Variants in NPIPA5 observed in about 807,000 individuals in gnomAD.
The protein encoded by NPIPA5 is nuclear pore complex interacting protein family member A5.
A neutral mutation model predicts 21.4 loss-of-function variants in NPIPA5; 6 were observed. The observed-to-expected ratio is 0.28, with a 90% CI of 0.15 to 0.55. The LOEUF (loss-of-function observed/expected upper bound fraction) is 0.55. Ranked by LOEUF, NPIPA5 falls within the 20% of genes least tolerant of loss-of-function variation. NPIPA5 has a pLI of 0.93. For synonymous variants in NPIPA5, 33 were observed against 115.3 expected (o/e 0.29, Z 4.57); for missense variants, 99 against 318.2 (o/e 0.31, Z 5.24).
At chr16:15,368,424 A>T (rs1293210511) in intron 4 of NPIPA5, among the ~76,000 whole-genome samples, 1 of 152,108 alleles carries the variant, frequency 6.6e-6, no homozygotes, top group Non-Finnish European at 1.5e-5. Flanking sequence ...ACATGCTACT[A>T]GGTCTCAGTT....
upstream of NPIPA5, among the ~76,000 whole-genome samples, chr16:15,379,969 ATGTGTGTGTGTGTGTCTG>A (rs1211751899): frequency 6.7e-6 from 1 of 149,064 alleles, no homozygotes; most frequent in Non-Finnish European, 1.5e-5. Flanking sequence ...ATATATATAT[ATGTGTGTGTGTGTGTCTG>A]TGTGTGTGTG....
chr16:15,375,750 A>AC (rs2050275006), intron 1 of NPIPA5, among the ~76,000 whole-genome samples: 2 of 149,536 alleles, frequency 1.3e-5, no homozygotes, highest in Admixed American at 6.7e-5. Context: ...TCAAAAAAAA[A>AC]AAAAAAAAAA....
In NPIPA5 at chr16:15,376,656, C is replaced by T. The variant is rs1163367698; in HGVS notation, c.63+1576G>A. 7.9e-5 allele frequency among the ~76,000 whole-genome samples: 12 copies of T among 151,984 alleles called. No homozygotes were observed. The East Asian group carries it at 1.2e-3, about 15-fold the overall frequency. ...TATTTTGGCCAGGCGCGGTGGCTCACGCCTGTAATCCCAGCACTGGGAGGC... is the reference window on the plus strand; with the variant it reads ...TATTTTGGCCAGGCGCGGTGGCTCATGCCTGTAATCCCAGCACTGGGAGGC... On this transcript the variant is annotated intron_variant, in intron 1 of 7. Transcript: ENST00000360151.
At chr16:15,376,750 A>G (rs2050305668) in intron 1 of NPIPA5, among the ~76,000 whole-genome samples, 1 of 151,596 alleles carries the variant, frequency 6.6e-6, no homozygotes, top group Non-Finnish European at 1.5e-5. Flanking sequence ...CCCAGTCTCT[A>G]CTAAAAATAC....
Position 15,372,483 on chromosome 16 carries a change from T to A in NPIPA5, c.192+1232A>T, listed in dbSNP as rs1379656009. Among the ~76,000 whole-genome samples the A allele has an allele frequency of 1.4e-5, 2 of 144,178 alleles. 1 individual carries two copies. Among genetic ancestry groups the A allele is most frequent in the East Asian group, 4.1e-4 (2 of 4,860 alleles). The allele number at this position is 144,178 out of a possible 152,430, so 94.6% of individuals were successfully genotyped here. A position where few individuals can be genotyped will look rare whatever the true frequency, so the allele number is the denominator to read the frequency against. On this transcript the variant is annotated intron_variant, in intron 2 of 7. Transcript: ENST00000360151. The stretch of plus-strand genomic sequence containing the variant: ...CTGGGCAACAGAGGGAGACTCCTCT[T>A]GGGGGTGAGAAAAGAAAAAAAAAAA...
At chr16:15,377,598 G>A (rs1282038574) in intron 1 of NPIPA5, among the ~76,000 whole-genome samples, 2 of 138,382 alleles carry the variant, frequency 1.4e-5, no homozygotes, top group Non-Finnish European at 1.6e-5. Flanking sequence ...GAGGGAAGGG[G>A]ACGGGGACCG....
At chr16:15,377,620 G>T (rs894242221) in intron 1 of NPIPA5, among the ~76,000 whole-genome samples, 5 of 127,972 alleles carry the variant, frequency 3.9e-5, no homozygotes, top group African/African-American at 1.5e-4. Context: ...GGCCGGATCT[G>T]AGTTGGGGAG....
chr16:15,366,720 T>C lies in NPIPA5; in HGVS notation c.478A>G (p.Lys160Glu), dbSNP rs201679322. 1,749 of 1,534,902 alleles carry C rather than the reference T, an allele frequency of 1.1e-3. 12 individuals carry two copies. In the African/African-American group the frequency reaches 0.016, roughly 14 times the overall value. ...TCTGCCTCTGACACCTGCCTCTCCT[T>C]TTCTCCGTGCTCACGTTCTTTCATG... is the stretch of plus-strand genomic sequence containing the variant. ...LSMKEREHGE[K>E]ERQVSEAEEN... The change falls in exon 5 of 8, where the codon AAG becomes GAG. Residue 160 changes from lysine to glutamate, a missense_variant. Around this residue, in one of 5 missense-constraint regions of NPIPA5, gnomAD observed 12 missense variants for 18.6 expected, o/e 0.64. Coordinates refer to ENST00000360151, the MANE Select transcript of NPIPA5 (RefSeq NM_001277325.2).
chr16:15,366,996 A>T (rs1030996398), intron 4 of NPIPA5, among the ~76,000 whole-genome samples: 3 of 152,020 alleles, frequency 2.0e-5, no homozygotes, highest in African/African-American at 7.2e-5. Flanking sequence ...TCATAGTTCC[A>T]TAGTTAGTCC....
chr16:15,371,339 G>C (rs2050150729), intron 2 of NPIPA5, among the ~76,000 whole-genome samples: 1 of 144,098 alleles, frequency 6.9e-6, no homozygotes, highest in Non-Finnish European at 1.5e-5. Context: ...TGAACTTAAT[G>C]CAAAACATTC....
intron 4 of NPIPA5, 36 bp from the exon 5 acceptor site, chr16:15,366,796 A>G: frequency 6.7e-7 from 1 of 1,496,154 alleles, no homozygotes; most frequent in Non-Finnish European, 8.8e-7. Flanking sequence ...ATGATCCACC[A>G]GCCCGTGTGG....
At chr16:15,380,355 C>T (rs940708222), upstream of NPIPA5, among the ~76,000 whole-genome samples, 2 of 150,910 alleles carry the variant, frequency 1.3e-5, no homozygotes, top group African/African-American at 2.4e-5. Flanking sequence ...CAGAGTCTCG[C>T]TCTGTCGTAC....
chr16:15,377,548 GGC>G (rs2050332164), intron 1 of NPIPA5, among the ~76,000 whole-genome samples: 1 of 143,690 alleles, frequency 7.0e-6, no homozygotes, highest in Non-Finnish European at 1.5e-5. Context: ...GGCTCCCTGA[GGC>G]AGCCAGGACA....
rs781324996 is a variant in NPIPA5 at position 15,363,760 on chromosome 16, G to C, written c.952C>G (p.Pro318Ala). 5.4e-6 allele frequency: 7 copies of C among 1,295,494 alleles called. 2 individuals are homozygous for C. In the South Asian group the frequency reaches 1.0e-4, roughly 19 times the overall value. 80.2% of individuals were successfully genotyped at this position (1,295,494 alleles called of 1,614,324 possible). Residue 318 changes from proline (P) to alanine (A), a missense_variant, in exon 8 of 8, where the codon CCC becomes GCC. Pro to Ala is a conservative substitution (Grantham distance 27, BLOSUM62 -1). Coordinates refer to ENST00000360151, the MANE Select transcript of NPIPA5 (RefSeq NM_001277325.2). Reference protein sequence around the residue: ...PAECLLTPLPPSAPPSADDNL... With the variant: ...PAECLLTPLPASAPPSADDNL... ...TCATCCGCTGAGGGTGGAGCTGAGG[G>C]TGGAAGGGGAGTGAGCAGACACTCG...
chr16:15,377,906 T>G (rs2150887535), intron 1 of NPIPA5, among the ~76,000 whole-genome samples: 1 of 149,900 alleles, frequency 6.7e-6, no homozygotes, highest in Admixed American at 6.7e-5. Flanking sequence ...CCTTCTTCGG[T>G]CTGGGCCCTC....
intron 2 of NPIPA5, among the ~76,000 whole-genome samples, chr16:15,371,553 A>T (rs1332120696): frequency 6.9e-6 from 1 of 145,664 alleles, no homozygotes; most frequent in African/African-American, 2.5e-5. Flanking sequence ...ACCATGCTGA[A>T]GTGCAGTGGC....
intron 1 of NPIPA5, among the ~76,000 whole-genome samples, chr16:15,375,549 C>G (rs1451753979): frequency 4.0e-5 from 6 of 150,236 alleles, no homozygotes; most frequent in Admixed American, 4.0e-4. Flanking sequence ...TGAGACCATC[C>G]TAGCTAACAC....
At chr16:15,377,608 G>A (rs903058519) in intron 1 of NPIPA5, among the ~76,000 whole-genome samples, 15 of 134,740 alleles carry the variant, frequency 1.1e-4, no homozygotes, top group East Asian at 2.4e-4. Context: ...GACGGGGACC[G>A]GGGCCGGATC....
intron 4 of NPIPA5, 146 bp from the exon 5 acceptor site, chr16:15,366,906 A>G: frequency 1.3e-6 from 2 of 1,507,958 alleles, no homozygotes; most frequent in Non-Finnish European, 1.8e-6. Flanking sequence ...CCGAAGGGAG[A>G]ATGGACACCT....
Sources: gnomAD v4.1 joint callset for allele counts (sites outside exome capture counted in the v4.1 genomes callset) on GRCh38, gnomAD v4.1.1 for gene constraint, gnomAD v4.1.1 regional missense constraint, MANE v1.5 for transcripts, NCBI Gene and HGNC (gene_info 2026-07-23, HGNC 2026-07-21) for gene names.